Variants in IGSF21 observed in about 807,000 individuals in gnomAD.
IGSF21 encodes the protein immunoglobin superfamily member 21, also known as immunoglobulin superfamily member 21.
A neutral mutation model predicts 46.8 loss-of-function variants in IGSF21; 28 were observed. The observed-to-expected ratio is 0.60, with a 90% CI of 0.44 to 0.82. The LOEUF (loss-of-function observed/expected upper bound fraction) is 0.82. Among genes scored for constraint, IGSF21 ranks in the 40% least tolerant of loss-of-function variants. The probability of loss-of-function intolerance (pLI) is 0.00; values close to 1 mark genes in which losing one functional copy is unlikely to be tolerated. For synonymous variants in IGSF21, 284 were observed against 273.6 expected (o/e 1.04, Z -0.38); for missense variants, 624 against 665.5 (o/e 0.94, Z 0.69).
chr1:18,252,961 A>C (rs536480768), intron 2 of IGSF21, among the ~76,000 whole-genome samples: 7 of 152,160 alleles, frequency 4.6e-5, no homozygotes, highest in African/African-American at 1.7e-4. Context: ...CTTGATACCT[A>C]GAAGATCCTC....
chr1:18,233,840 A>C (rs2084649726), intron 2 of IGSF21, among the ~76,000 whole-genome samples: 1 of 152,178 alleles, frequency 6.6e-6, no homozygotes, highest in South Asian at 2.1e-4. Flanking sequence ...GTGGCTTAAC[A>C]CAGTTAAGCC....
chr1:18,350,106 G>T (rs1344175313), intron 4 of IGSF21, among the ~76,000 whole-genome samples: 1 of 152,220 alleles, frequency 6.6e-6, no homozygotes, highest in East Asian at 1.9e-4. Flanking sequence ...GCTCCTCCAG[G>T]CTGTCATGGT....
intron 1 of IGSF21, among the ~76,000 whole-genome samples, chr1:18,117,602 G>T (rs530202802): frequency 6.6e-6 from 1 of 152,322 alleles, no homozygotes; most frequent in South Asian, 2.1e-4. Flanking sequence ...TATGCACAGT[G>T]GCTAGCATAC....
At chr1:18,239,931 T>A (rs1204694040) in intron 2 of IGSF21, among the ~76,000 whole-genome samples, 1 of 152,234 alleles carries the variant, frequency 6.6e-6, no homozygotes, top group Admixed American at 6.5e-5. Flanking sequence ...CAGCAGATAT[T>A]TCTTGAGTAC....
Position 18,164,718 on chromosome 1 carries a change from G to A in IGSF21, c.70+56520G>A, listed in dbSNP as rs148024457. On this transcript the variant is annotated intron_variant, in intron 1 of 9. Coordinates refer to ENST00000251296, the MANE Select transcript of IGSF21 (RefSeq NM_032880.5). ...TTTGCCCATATTTGTTCCTTTGTTG[G>A]TATTTTTTCTTTTATATATATATAT... Among the ~76,000 whole-genome samples, 634 of 151,518 alleles carry A rather than the reference G, an allele frequency of 4.2e-3. 5 individuals are homozygous for A. Among genetic ancestry groups the A allele is most frequent in the African/African-American group, 0.014 (595 of 41,322 alleles).
At chr1:18,372,138 C>T (rs752262827) in intron 6 of IGSF21, among the ~76,000 whole-genome samples, 35 of 152,274 alleles carry the variant, frequency 2.3e-4, no homozygotes, top group African/African-American at 6.3e-4. Flanking sequence ...CTTCTTTATC[C>T]GCCTAGTTCA....
intron 1 of IGSF21, among the ~76,000 whole-genome samples, chr1:18,163,563 A>T (rs1205921604): frequency 1.3e-5 from 2 of 152,228 alleles, no homozygotes; most frequent in African/African-American, 2.4e-5. Flanking sequence ...CATTTCAGGT[A>T]CATCGGTCTC....
intron 3 of IGSF21, among the ~76,000 whole-genome samples, chr1:18,296,501 G>A (rs1399147265): frequency 6.6e-6 from 1 of 152,164 alleles, no homozygotes. Context: ...GGGACACTCA[G>A]CAGGGTGGCT....
chr1:18,209,059 T>A (rs2084363552), intron 1 of IGSF21, among the ~76,000 whole-genome samples: 1 of 152,186 alleles, frequency 6.6e-6, no homozygotes, highest in Admixed American at 6.5e-5. Context: ...TTTCTGGGTT[T>A]CTGGGAATGG....
chr1:18,281,756 T>C (rs1306043034), intron 2 of IGSF21, among the ~76,000 whole-genome samples: 1 of 151,890 alleles, frequency 6.6e-6, no homozygotes, highest in Non-Finnish European at 1.5e-5. Flanking sequence ...AATGCTGGGA[T>C]TTTCCAAGAG....
At chr1:18,375,649 C>G (rs2086272993) in intron 6 of IGSF21, among the ~76,000 whole-genome samples, 2 of 152,136 alleles carry the variant, frequency 1.3e-5, no homozygotes, top group African/African-American at 4.8e-5. Flanking sequence ...CCATGTCCAC[C>G]CCTACCCAGA....
rs1382501623 is a variant in IGSF21 at position 18,337,301 on chromosome 1, G to A, written c.424+2291G>A. Among the ~76,000 whole-genome samples, 1 of 152,184 alleles carries A rather than the reference G, an allele frequency of 6.6e-6. No individual in the cohort carries two copies. The highest frequency in any genetic ancestry group is 1.5e-5 in the Non-Finnish European group (1 of 68,032). On this transcript the variant is annotated intron_variant, in intron 4 of 9. Transcript: ENST00000251296. This position sits in a 1 kb window ranked among gnomAD's most constrained non-coding sequence, Gnocchi z 5.7. Reference sequence around the variant, plus strand: ...CCTCAATTTCCCCATCTGTAAAACAGGGATAAGGATGCTTCCCTCCTAGGG... The same window carrying A: ...CCTCAATTTCCCCATCTGTAAAACAAGGATAAGGATGCTTCCCTCCTAGGG...
chr1:18,160,425 A>G (rs2086607835), intron 1 of IGSF21, among the ~76,000 whole-genome samples: 1 of 152,242 alleles, frequency 6.6e-6, no homozygotes, highest in Non-Finnish European at 1.5e-5. Context: ...ATGTTATTAT[A>G]GTTAGATTTC....
intron 1 of IGSF21, among the ~76,000 whole-genome samples, chr1:18,130,762 T>C (rs2086313478): frequency 6.6e-6 from 1 of 152,164 alleles, no homozygotes; most frequent in African/African-American, 2.4e-5. Flanking sequence ...AAATGTTACC[T>C]GAGAAAAAAG....
At chr1:18,331,993 TGG>T (rs953718761) in intron 3 of IGSF21, among the ~76,000 whole-genome samples, 3 of 152,172 alleles carry the variant, frequency 2.0e-5, no homozygotes, top group African/African-American at 7.2e-5. Flanking sequence ...AAGGAGCATC[TGG>T]GGCTGTACAC....
At chr1:18,150,755 A>G (rs1272688299) in intron 1 of IGSF21, among the ~76,000 whole-genome samples, 2 of 152,198 alleles carry the variant, frequency 1.3e-5, no homozygotes, top group Non-Finnish European at 2.9e-5. Flanking sequence ...TGCCATCAAG[A>G]TACCCCATCA....
In IGSF21 at chr1:18,376,310, T is replaced by G; in HGVS notation, c.1016T>G (p.Val339Gly). The change falls in exon 7 of 10, where the codon GTT (valine) becomes GGT (glycine). Residue 339 changes from valine to glycine, a missense_variant and splice_region_variant. Physicochemically the swap from Val to Gly is moderately radical, Grantham distance 109. Coordinates refer to ENST00000251296, the MANE Select transcript of IGSF21 (RefSeq NM_032880.5). ...TGACCTGGCCTTTCTCTCCCTACAGTTGCCCCCAAAGGACCCAAAATTGTG... is the reference window on the plus strand; with the variant it reads ...TGACCTGGCCTTTCTCTCCCTACAGGTGCCCCCAAAGGACCCAAAATTGTG... ...SMPMQAEVTL[V>G]APKGPKIVMT... is the part of the protein sequence containing the mutation. 6.2e-7 allele frequency: 1 copy of G among 1,610,960 alleles called. No individual in the cohort carries two copies. Among genetic ancestry groups the G allele is most frequent in the Non-Finnish European group, 8.5e-7 (1 of 1,177,194 alleles).
intron 2 of IGSF21, among the ~76,000 whole-genome samples, chr1:18,275,132 T>A (rs1314772531): frequency 6.6e-6 from 1 of 152,200 alleles, no homozygotes. Flanking sequence ...ATTTCAAATT[T>A]CAGAAGCAGA....
chr1:18,259,141 A>G (rs1221877267), intron 2 of IGSF21, among the ~76,000 whole-genome samples: 1 of 152,210 alleles, frequency 6.6e-6, no homozygotes, highest in Non-Finnish European at 1.5e-5. Flanking sequence ...CACCTGCCAC[A>G]TCCCCTCGGG....
Sources: allele counts gnomAD v4.1 joint callset (sites outside exome capture counted in the v4.1 genomes callset), GRCh38; gene constraint gnomAD v4.1.1; non-coding constraint Gnocchi (gnomAD v3.1); transcripts MANE v1.5; gene names NCBI Gene and HGNC (gene_info 2026-07-23, HGNC 2026-07-21).